The following INPP4B variants were observed in gnomAD, a reference collection of about 807,000 sequenced individuals.
INPP4B encodes the protein inositol polyphosphate 4-phosphatase type II.
A neutral mutation model predicts 122.5 loss-of-function variants in INPP4B; 55 were observed. The observed-to-expected ratio is 0.45, with a 90% confidence interval of 0.36 to 0.56. The LOEUF is 0.56. Ranked by LOEUF, INPP4B falls within the 20% of genes least tolerant of loss-of-function variation. The pLI, the probability that INPP4B is intolerant of heterozygous loss-of-function variation, is 0.00. For synonymous variants in INPP4B, 403 were observed against 388.7 expected, an observed-to-expected ratio of 1.04 and a Z score of -0.43; for missense variants, 1,000 against 1,097.7, an observed-to-expected ratio of 0.91 and a Z score of 1.26.
At chr4:142,165,830 G>A (rs1230919464) in intron 16 of INPP4B, among the ~76,000 whole-genome samples, 1 of 151,678 alleles carries the variant, frequency 6.6e-6, no homozygotes, top group Non-Finnish European at 1.5e-5. Context: ...AAATAATTGT[G>A]TACATAACAG....
intron 2 of INPP4B, among the ~76,000 whole-genome samples, chr4:142,597,194 G>A (rs976819220): frequency 1.7e-4 from 26 of 152,294 alleles, no homozygotes; most frequent in African/African-American, 6.3e-4. Context: ...GGAACTTGTA[G>A]GAGTTCCTGT....
At chr4:142,682,196 GTTTA>G in intron 2 of INPP4B, among the ~76,000 whole-genome samples, 1 of 151,796 alleles carries the variant, frequency 6.6e-6, no homozygotes, top group African/African-American at 2.4e-5. Flanking sequence ...ATTTCTCTAG[GTTTA>G]TTTGACACTT....
At chr4:142,687,513 T>C (rs923015095) in intron 2 of INPP4B, among the ~76,000 whole-genome samples, 4 of 130,644 alleles carry the variant, frequency 3.1e-5, no homozygotes, top group East Asian at 2.2e-4. Context: ...GATGCAGGAA[T>C]AGTGAGGCCA....
intron 2 of INPP4B, among the ~76,000 whole-genome samples, chr4:142,652,170 GC>G (rs1320966001): frequency 2.0e-5 from 3 of 152,030 alleles, no homozygotes; most frequent in East Asian, 1.9e-4. Flanking sequence ...AAATTCGACA[GC>G]CCTTCATGCT....
Position 142,078,701 on chromosome 4 carries a change from A to C in INPP4B, c.2642+3330T>G, listed in dbSNP as rs538729157. Among the ~76,000 whole-genome samples the C allele has an allele frequency of 2.8e-4, 42 of 152,168 alleles. 1 individual carries two copies. The highest frequency in any genetic ancestry group is 6.8e-3 in the Middle Eastern group (2 of 294). ...GCTACAGAGATAAGCACAATACAAT[A>C]GAAAATACTTAATATAGATAAGGAC... On this transcript the variant is annotated intron_variant, in intron 25 of 25. Coordinates refer to ENST00000262992, the MANE Select transcript of INPP4B (RefSeq NM_001101669.3).
intron 1 of INPP4B, among the ~76,000 whole-genome samples, chr4:142,815,164 G>A (rs1433816322): frequency 6.6e-6 from 1 of 152,114 alleles, no homozygotes; most frequent in Admixed American, 6.6e-5. Context: ...CAAGATGCCT[G>A]GACTGGTATT....
At chr4:142,285,731 G>T (rs1359383456) in intron 9 of INPP4B, among the ~76,000 whole-genome samples, 2 of 151,994 alleles carry the variant, frequency 1.3e-5, no homozygotes, top group Non-Finnish European at 2.9e-5. Context: ...GTAGGATGTG[G>T]ACAGAGAGGT....
chr4:142,413,985 C>T (rs185813477), intron 5 of INPP4B, among the ~76,000 whole-genome samples: 52 of 152,070 alleles, frequency 3.4e-4, no homozygotes, highest in African/African-American at 9.4e-4. Flanking sequence ...AAACAGATGA[C>T]GGAGTTATTG....
chr4:142,034,442 C>T (rs1366298812), intron 25 of INPP4B, among the ~76,000 whole-genome samples: 1 of 152,082 alleles, frequency 6.6e-6, no homozygotes, highest in African/African-American at 2.4e-5. Context: ...TCATACTTTG[C>T]TCTGCCCCCG....
chr4:142,581,505 GAT>G (rs1735056275), intron 2 of INPP4B, among the ~76,000 whole-genome samples: 1 of 145,358 alleles, frequency 6.9e-6, no homozygotes, highest in Admixed American at 7.1e-5. Flanking sequence ...ATTAGAAATA[GAT>G]AGAAGTTCCA....
At chr4:142,594,108 T>G (rs1351261046) in intron 2 of INPP4B, among the ~76,000 whole-genome samples, 1 of 152,196 alleles carries the variant, frequency 6.6e-6, no homozygotes, top group African/African-American at 2.4e-5. Flanking sequence ...ATTTGTAACA[T>G]GAGAATAAAA....
intron 7 of INPP4B, among the ~76,000 whole-genome samples, chr4:142,353,101 G>A (rs571801648): frequency 2.0e-5 from 3 of 151,884 alleles, no homozygotes; most frequent in Non-Finnish European, 2.9e-5. Flanking sequence ...CACTAAATGC[G>A]TACTTTTTAA....
chr4:142,640,778 CA>C (rs199853133), intron 2 of INPP4B, among the ~76,000 whole-genome samples: 17 of 142,414 alleles, frequency 1.2e-4, no homozygotes, highest in African/African-American at 1.5e-4. Flanking sequence ...AAAGCATTTT[CA>C]AAAAAAAAAG....
At chr4:142,431,716 T>C (rs1809343961) in intron 3 of INPP4B, among the ~76,000 whole-genome samples, 1 of 152,166 alleles carries the variant, frequency 6.6e-6, no homozygotes, top group Non-Finnish European at 1.5e-5. Context: ...GCATGTAGCA[T>C]CTTGTCAAGA....
At chr4:142,442,681 G>A (rs189675152) in intron 3 of INPP4B, among the ~76,000 whole-genome samples, 27 of 152,174 alleles carry the variant, frequency 1.8e-4, no homozygotes, top group African/African-American at 6.5e-4. Flanking sequence ...AACAGATGAG[G>A]TCTCAGGGCA....
chr4:142,458,342 T>C (rs1815936866), intron 3 of INPP4B, among the ~76,000 whole-genome samples: 1 of 152,088 alleles, frequency 6.6e-6, no homozygotes. Flanking sequence ...TTCTGTGCCT[T>C]GATTGTAGTG....
intron 7 of INPP4B, among the ~76,000 whole-genome samples, 194 bp downstream of exon 7, chr4:142,402,744 C>T (rs1802042685): frequency 6.6e-6 from 1 of 152,130 alleles, no homozygotes; most frequent in African/African-American, 2.4e-5. Context: ...GTTCCAAAAA[C>T]TTTTGCTCCT....
rs191728551 is a variant in INPP4B at position 142,428,438 on chromosome 4, G to A, written c.136+735C>T. On this transcript the variant is annotated intron_variant, in intron 5 of 25. Transcript: ENST00000262992. ...TCCGAAATATTTCAGAACCATGACA[G>A]GAAAAAAAAAAAAAGACCAGTCTAT... Among the ~76,000 whole-genome samples the A allele has an allele frequency of 2.4e-3, 346 of 146,762 alleles. 3 individuals carry two copies. The highest frequency in any genetic ancestry group is 8.2e-3 in the African/African-American group (326 of 39,648).
chr4:142,177,054 C>T (rs1828662625), intron 15 of INPP4B, among the ~76,000 whole-genome samples: 1 of 152,176 alleles, frequency 6.6e-6, no homozygotes, highest in Admixed American at 6.5e-5. Flanking sequence ...ATACATTCTT[C>T]AATCACCATG....
Sources: allele counts gnomAD v4.1 joint callset (sites outside exome capture counted in the v4.1 genomes callset), GRCh38; gene constraint gnomAD v4.1.1; transcripts MANE v1.5; gene names NCBI Gene and HGNC (gene_info 2026-07-23, HGNC 2026-07-21).